Variants in PLXDC2 observed in about 807,000 individuals in gnomAD.
PLXDC2 encodes the protein plexin domain-containing protein 2.
PLXDC2 carries 40 observed loss-of-function variants against 68.9 expected under a neutral mutation model. That is an observed-to-expected ratio of 0.58 (90% confidence interval 0.45 to 0.76). The LOEUF is 0.76. Among genes scored for constraint, PLXDC2 ranks in the 30% least tolerant of loss-of-function variants. PLXDC2 has a pLI of 0.00. For synonymous variants in PLXDC2, 243 were observed against 234.2 expected (o/e 1.04, Z -0.34); for missense variants, 644 against 661.9 (o/e 0.97, Z 0.30).
chr10:19,898,639 T>A (rs1838105172), intron 1 of PLXDC2, among the ~76,000 whole-genome samples: 1 of 152,154 alleles, frequency 6.6e-6, no homozygotes, highest in Non-Finnish European at 1.5e-5. Context: ...ATATATCTAT[T>A]TGTCGGGGAA....
intron 1 of PLXDC2, among the ~76,000 whole-genome samples, chr10:19,829,209 C>A (rs1346502433): frequency 7.6e-6 from 1 of 131,772 alleles, no homozygotes; most frequent in Non-Finnish European, 1.6e-5. Flanking sequence ...CTCCACTTAG[C>A]CTTGATGTCT....
intron 13 of PLXDC2, among the ~76,000 whole-genome samples, chr10:20,266,594 G>T (rs747500866): frequency 1.7e-4 from 26 of 152,088 alleles, no homozygotes; most frequent in Non-Finnish European, 2.4e-4. Flanking sequence ...AACAATTCAT[G>T]GTGTTTCAGT....
At chr10:20,278,919 C>A (rs565913003) in intron 13 of PLXDC2, among the ~76,000 whole-genome samples, 3 of 152,172 alleles carry the variant, frequency 2.0e-5, no homozygotes, top group East Asian at 1.9e-4. Context: ...TTTGATAACC[C>A]AGTAATTCAT....
Position 19,919,724 on chromosome 10 carries a change from G to C in PLXDC2, c.113-82051G>C, listed in dbSNP as rs531120892. ...CTTTGGTTTATTTTGCCTTTCTCTT[G>C]TGCCTTTTATTATTAAATCTTGCCC... On this transcript the variant is annotated intron_variant, in intron 1 of 13. Transcript: ENST00000377252. Among the ~76,000 whole-genome samples the C allele has an allele frequency of 8.5e-5, 13 of 152,212 alleles. No individual in the cohort carries two copies. In the East Asian group the frequency reaches 2.5e-3, roughly 29 times the overall value.
intron 1 of PLXDC2, among the ~76,000 whole-genome samples, chr10:19,829,097 T>C (rs982136477): frequency 4.0e-5 from 6 of 151,778 alleles, no homozygotes; most frequent in Admixed American, 2.6e-4. Context: ...CCCCGTACAT[T>C]GTCTCTGTTC....
At chr10:20,209,485 G>C (rs6482102) in intron 9 of PLXDC2, among the ~76,000 whole-genome samples, 140,195 of 151,972 alleles carry the variant, frequency 0.92, 64,755 homozygotes, top group East Asian at 0.96. Context: ...ATGTAACAAA[G>C]TTGCACATTG....
At chr10:19,864,123 C>T (rs1837371181) in intron 1 of PLXDC2, among the ~76,000 whole-genome samples, 1 of 152,118 alleles carries the variant, frequency 6.6e-6, no homozygotes, top group African/African-American at 2.4e-5. Context: ...ACCTCTGCCT[C>T]CTGAGTAGCT....
chr10:19,858,252 A>ATGCTCATTTATC (rs1837252122), intron 1 of PLXDC2, among the ~76,000 whole-genome samples: 1 of 152,092 alleles, frequency 6.6e-6, no homozygotes, highest in Non-Finnish European at 1.5e-5. Flanking sequence ...CATTCTTTCT[A>ATGCTCATTTATC]TGCTCATTTA....
chr10:20,196,930 T>G (rs1158018169), intron 9 of PLXDC2, among the ~76,000 whole-genome samples: 2 of 152,182 alleles, frequency 1.3e-5, no homozygotes, highest in African/African-American at 4.8e-5. Flanking sequence ...AATTCACGGC[T>G]AGAGGCTCCA....
intron 1 of PLXDC2, among the ~76,000 whole-genome samples, chr10:19,903,534 G>A (rs57753894): frequency 0.098 from 14,909 of 151,432 alleles, 1,852 homozygotes; most frequent in African/African-American, 0.3. Flanking sequence ...CCCCCATTTC[G>A]TTTCTAATTG....
chr10:19,817,687 C>G (rs1836380545), intron 1 of PLXDC2, among the ~76,000 whole-genome samples: 1 of 152,200 alleles, frequency 6.6e-6, no homozygotes, highest in Non-Finnish European at 1.5e-5. Flanking sequence ...GCGATCCCCA[C>G]TAGCTCCGTC....
At chr10:20,033,264 T>C (rs976744504) in intron 2 of PLXDC2, among the ~76,000 whole-genome samples, 2 of 151,746 alleles carry the variant, frequency 1.3e-5, no homozygotes, top group Admixed American at 6.6e-5. Context: ...CCCAGTATGG[T>C]AGATGGCAGG....
intron 1 of PLXDC2, among the ~76,000 whole-genome samples, chr10:19,830,362 G>T (rs535881385): frequency 6.6e-6 from 1 of 152,128 alleles, no homozygotes; most frequent in Non-Finnish European, 1.5e-5. Context: ...GTTTTAATCC[G>T]TTCAGGTCAG....
intron 1 of PLXDC2, among the ~76,000 whole-genome samples, chr10:20,000,268 GT>G (rs557279192): frequency 1.9e-4 from 29 of 148,924 alleles, no homozygotes; most frequent in South Asian, 1.7e-3. Context: ...ATGTACATGA[GT>G]TTTTTTTTTT....
At chr10:20,150,182 T>G (rs905655938) in intron 6 of PLXDC2, among the ~76,000 whole-genome samples, 2 of 152,192 alleles carry the variant, frequency 1.3e-5, no homozygotes, top group Non-Finnish European at 2.9e-5. Flanking sequence ...TATAATGTCA[T>G]GCATCCATCA....
intron 1 of PLXDC2, among the ~76,000 whole-genome samples, chr10:19,954,657 C>A (rs1834040051): frequency 6.6e-6 from 1 of 152,034 alleles, no homozygotes; most frequent in African/African-American, 2.4e-5. Context: ...TATTGGGGTT[C>A]TATTTCCATT....
chr10:19,839,749 G>T (rs959194397), intron 1 of PLXDC2, among the ~76,000 whole-genome samples: 4 of 151,856 alleles, frequency 2.6e-5, no homozygotes, highest in Non-Finnish European at 4.4e-5. Flanking sequence ...AGAGATACTC[G>T]ACAGAGATTA....
At chr10:19,885,295 T>G (rs1158267939) in intron 1 of PLXDC2, among the ~76,000 whole-genome samples, 3 of 150,492 alleles carry the variant, frequency 2.0e-5, no homozygotes, top group Non-Finnish European at 4.5e-5. Context: ...TTCTCCCATT[T>G]TGTAGGTTGC....
intron 4 of PLXDC2, among the ~76,000 whole-genome samples, chr10:20,121,386 T>A (rs978513122): frequency 6.6e-6 from 1 of 152,162 alleles, no homozygotes; most frequent in Non-Finnish European, 1.5e-5. Flanking sequence ...GTTGTTGTTT[T>A]GTAAGGGATT....
Sources: gnomAD v4.1 joint callset for allele counts (sites outside exome capture counted in the v4.1 genomes callset) on GRCh38, gnomAD v4.1.1 for gene constraint, MANE v1.5 for transcripts, NCBI Gene and HGNC (gene_info 2026-07-23, HGNC 2026-07-21) for gene names.